WDHD1: variants seen among roughly 807,000 people sequenced by gnomAD.
WDHD1 encodes WD repeat and HMG-box DNA binding protein 1, also known as WD repeat and HMG-box DNA-binding protein 1.
WDHD1 carries 111 observed loss-of-function variants against 135.4 expected under a neutral mutation model. The ratio of observed to expected loss-of-function variants is 0.82; its 90% CI spans 0.70 to 0.96. WDHD1 has a LOEUF of 0.96. WDHD1 is among the 40% of genes least tolerant of loss of function. The probability of loss-of-function intolerance (pLI) is 0.00; values close to 1 mark genes in which losing one functional copy is unlikely to be tolerated. For missense variants in WDHD1, 1,351 were observed against 1,336.3 expected (o/e 1.01, Z -0.17); for synonymous variants, 434 against 439.0 (o/e 0.99, Z 0.14).
chr14:54,950,975 A>C (rs1595058860), intron 24 of WDHD1, among the ~76,000 whole-genome samples: 1 of 152,340 alleles, frequency 6.6e-6, no homozygotes, highest in East Asian at 1.9e-4. Context: ...GCATACCAGA[A>C]TCTCTGGGAC....
chr14:54,962,927 T>C (rs2041276471), intron 19 of WDHD1, 25 bp downstream of exon 19: 1 of 1,612,816 alleles, frequency 6.2e-7, no homozygotes, highest in African/African-American at 1.3e-5. Flanking sequence ...TAAAGGAAAA[T>C]TCAAACAACT....
chr14:54,940,617 G>A lies in WDHD1; in HGVS notation c.*873C>T, dbSNP rs972660650. On this transcript the variant is annotated 3_prime_UTR_variant, in exon 26 of 26. Transcript: ENST00000360586. ...ACCTTGTTTGTTCAATATAAAATAAGAGTTAAATACTTTCCATAACTTTGC... is the reference window on the plus strand; with the variant it reads ...ACCTTGTTTGTTCAATATAAAATAAAAGTTAAATACTTTCCATAACTTTGC... 6.6e-6 allele frequency: 1 copy of A among 152,096 alleles called. No homozygotes were observed. The highest frequency in any genetic ancestry group is 1.5e-5 in the Non-Finnish European group (1 of 68,022). The allele number at this position is 152,096 out of a possible 1,614,324, so 9.4% of individuals were successfully genotyped here. A position where few individuals can be genotyped will look rare whatever the true frequency, so the allele number is the denominator to read the frequency against.
intron 10 of WDHD1, among the ~76,000 whole-genome samples, chr14:54,997,888 G>A (rs1290626941): frequency 2.1e-5 from 3 of 141,950 alleles, no homozygotes; most frequent in Non-Finnish European, 3.1e-5. Context: ...TCCAGCTTGG[G>A]CAACAAGAGC....
chr14:54,965,348 T>A (rs2041323771), intron 18 of WDHD1, among the ~76,000 whole-genome samples: 1 of 152,200 alleles, frequency 6.6e-6, no homozygotes. Flanking sequence ...AAGATAAATG[T>A]ACTTAAATAT....
chr14:54,996,012 G>A (rs1172448371), intron 10 of WDHD1, among the ~76,000 whole-genome samples, 199 bp from the exon 11 acceptor site: 1 of 152,158 alleles, frequency 6.6e-6, no homozygotes, highest in Non-Finnish European at 1.5e-5. Flanking sequence ...TATTTCAAAT[G>A]CCTTGTAGTC....
At chr14:55,004,434 CT>C (rs536245991) in intron 7 of WDHD1, among the ~76,000 whole-genome samples, 35 of 150,874 alleles carry the variant, frequency 2.3e-4, no homozygotes, top group Non-Finnish European at 2.2e-4. Flanking sequence ...TGGACTTTCC[CT>C]TTTTTTTTAG....
chr14:54,959,631 G>A (rs2041217010), intron 21 of WDHD1, among the ~76,000 whole-genome samples: 1 of 152,050 alleles, frequency 6.6e-6, no homozygotes, highest in African/African-American at 2.4e-5. Flanking sequence ...AACCAGGCAT[G>A]GTGATGCACA....
At chr14:54,997,141 G>A (rs913510338) in intron 10 of WDHD1, among the ~76,000 whole-genome samples, 7 of 140,188 alleles carry the variant, frequency 5.0e-5, no homozygotes, top group Non-Finnish European at 9.1e-5. Context: ...TGTCACCCAG[G>A]CTGGAGTGCA....
intron 7 of WDHD1, chr14:55,005,315 G>A: frequency 1.8e-6 from 1 of 552,790 alleles, no homozygotes; most frequent in South Asian, 1.4e-5. Flanking sequence ...ACTGGGATTA[G>A]TCACCATAAG....
chr14:55,009,746 T>A (rs1372882520), intron 4 of WDHD1, among the ~76,000 whole-genome samples: 5 of 151,276 alleles, frequency 3.3e-5, no homozygotes, highest in South Asian at 2.1e-4. Flanking sequence ...ATAATTTTTT[T>A]AAATTTTCCA....
intron 2 of WDHD1, among the ~76,000 whole-genome samples, chr14:55,022,514 T>A (rs1445154989): frequency 1.3e-5 from 2 of 152,040 alleles, no homozygotes; most frequent in African/African-American, 4.8e-5. Flanking sequence ...AAACCCCGTC[T>A]CTACTAAAAA....
intron 16 of WDHD1, among the ~76,000 whole-genome samples, chr14:54,972,723 G>GACAGAA (rs1424391652): frequency 1.3e-5 from 2 of 151,948 alleles, no homozygotes; most frequent in Non-Finnish European, 2.9e-5. Flanking sequence ...AGGAGGCTGA[G>GACAGAA]ACAGAAGGGT....
intron 24 of WDHD1, among the ~76,000 whole-genome samples, chr14:54,948,012 T>A (rs1194657129): frequency 6.6e-6 from 1 of 151,792 alleles, no homozygotes; most frequent in Non-Finnish European, 1.5e-5. Flanking sequence ...GGTCAGGAGT[T>A]TGAGACCAGC....
chr14:54,994,563 T>C (rs886401951), intron 11 of WDHD1, among the ~76,000 whole-genome samples: 4 of 152,070 alleles, frequency 2.6e-5, no homozygotes, highest in African/African-American at 9.7e-5. Context: ...GTCTTCAAAA[T>C]CTGGTTGCAC....
chr14:54,997,427 A>C (rs1352741060), intron 10 of WDHD1, among the ~76,000 whole-genome samples: 1 of 152,176 alleles, frequency 6.6e-6, no homozygotes, highest in Non-Finnish European at 1.5e-5. Flanking sequence ...AAGTAAACAT[A>C]ACTGTGCTCT....
chr14:54,952,061 A>G (rs1189289106), intron 24 of WDHD1, among the ~76,000 whole-genome samples: 5 of 152,218 alleles, frequency 3.3e-5, no homozygotes, highest in African/African-American at 1.2e-4. Flanking sequence ...AACTGGAAGC[A>G]TTCCCTTTGA....
At chr14:54,947,960 A>C (rs2040958624) in intron 24 of WDHD1, among the ~76,000 whole-genome samples, 1 of 151,764 alleles carries the variant, frequency 6.6e-6, no homozygotes, top group Non-Finnish European at 1.5e-5. Flanking sequence ...TCACACCTGT[A>C]ATTCCAGCAC....
intron 18 of WDHD1, among the ~76,000 whole-genome samples, chr14:54,965,003 A>G (rs1053699042): frequency 6.6e-6 from 1 of 152,252 alleles, no homozygotes; most frequent in Non-Finnish European, 1.5e-5. Flanking sequence ...ACTTAAGGCC[A>G]TGTTGCATAA....
intron 3 of WDHD1, among the ~76,000 whole-genome samples, chr14:55,012,809 A>G (rs1049906442): frequency 1.3e-5 from 2 of 152,010 alleles, no homozygotes; most frequent in South Asian, 2.1e-4. Flanking sequence ...CATCAATCCA[A>G]TCATGAGGCC....
Sources: allele counts gnomAD v4.1 joint callset (sites outside exome capture counted in the v4.1 genomes callset), GRCh38; gene constraint gnomAD v4.1.1; transcripts MANE v1.5; gene names NCBI Gene and HGNC (gene_info 2026-07-23, HGNC 2026-07-21).